Variants in MKLN1 observed in about 807,000 individuals in gnomAD.
The protein encoded by MKLN1 is muskelin 1.
In MKLN1, 18 loss-of-function variants were observed where a neutral mutation model predicts 99.0. The ratio of observed to expected loss-of-function variants is 0.18; its 90% CI spans 0.13 to 0.27. The LOEUF is 0.27. MKLN1 is among the 10% of genes least tolerant of loss of function. The pLI is 1.00. For synonymous variants in MKLN1, 288 were observed against 293.2 expected, an observed-to-expected ratio of 0.98 and a Z score of 0.18; for missense variants, 621 against 875.9, an observed-to-expected ratio of 0.71 and a Z score of 3.67.
intron 1 of MKLN1, among the ~76,000 whole-genome samples, chr7:131,114,053 A>G (rs969824788): frequency 4.6e-5 from 7 of 151,528 alleles, no homozygotes; most frequent in Non-Finnish European, 1.0e-4. Flanking sequence ...ACATTATAAG[A>G]AAGAAATAAT....
chr7:131,235,179 T>A (rs868698606), intron 3 of MKLN1, among the ~76,000 whole-genome samples: 1 of 152,090 alleles, frequency 6.6e-6, no homozygotes, highest in Non-Finnish European at 1.5e-5. Context: ...TCATTCTCTC[T>A]CTTTCACTCT....
chr7:131,220,903 T>A (rs76399680), intron 3 of MKLN1, among the ~76,000 whole-genome samples: 1 of 152,212 alleles, frequency 6.6e-6, no homozygotes, highest in African/African-American at 2.4e-5. Flanking sequence ...AATGATATTA[T>A]ATAACATATT....
intron 3 of MKLN1, among the ~76,000 whole-genome samples, chr7:131,250,034 C>G (rs956668126): frequency 5.3e-5 from 8 of 152,116 alleles, no homozygotes; most frequent in African/African-American, 1.9e-4. Context: ...GTACGAGGAC[C>G]ACTTTGTAGA....
At chr7:131,180,702 A>G (rs1402330630) in intron 2 of MKLN1, among the ~76,000 whole-genome samples, 1 of 151,140 alleles carries the variant, frequency 6.6e-6, no homozygotes. Flanking sequence ...TGGTCTCAAA[A>G]AAAAAAAAAA....
In MKLN1 at chr7:131,172,073, G is replaced by A. The variant is rs376511039; in HGVS notation, c.-297+29132G>A. 9.9e-5 allele frequency among the ~76,000 whole-genome samples: 15 copies of A among 152,238 alleles called. No individual in the cohort carries two copies. The East Asian group carries it at 1.7e-3, about 18-fold the overall frequency. On this transcript the variant is annotated intron_variant, in intron 2 of 7. Coordinates refer to the MKLN1 transcript ENST00000416992. Reference sequence around the variant, plus strand: ...TCCACCAAAGCAATGAAGAGCCTTCGAAGAGTTGATCTGGAGTCCATTAAT... The same window carrying A: ...TCCACCAAAGCAATGAAGAGCCTTCAAAGAGTTGATCTGGAGTCCATTAAT...
chr7:131,275,567 A>ATATATTTTTT (rs1336398554), intron 3 of MKLN1, among the ~76,000 whole-genome samples: 1 of 5,616 alleles, frequency 1.8e-4, no homozygotes, highest in African/African-American at 4.0e-4. Flanking sequence ...ATATATATAT[A>ATATATTTTTT]TTTTTTTTTT....
intron 2 of MKLN1, among the ~76,000 whole-genome samples, chr7:131,144,518 A>G (rs1440264358): frequency 2.0e-5 from 3 of 151,718 alleles, no homozygotes; most frequent in African/African-American, 7.3e-5. Context: ...TAATTTTTAT[A>G]CTTTTAAAAA....
chr7:131,363,797 T>TG (rs1301534569), intron 1 of MKLN1, among the ~76,000 whole-genome samples: 1 of 151,892 alleles, frequency 6.6e-6, no homozygotes, highest in Non-Finnish European at 1.5e-5. Context: ...ACCACCCCGT[T>TG]TATTTCTTTT....
chr7:131,184,002 C>T (rs1021764045), intron 2 of MKLN1, among the ~76,000 whole-genome samples: 12 of 151,232 alleles, frequency 7.9e-5, no homozygotes, highest in East Asian at 1.9e-4. Flanking sequence ...AGTTTGCAAA[C>T]GGAGTAAAGA....
chr7:131,264,366 A>G (rs1330349030), intron 3 of MKLN1, among the ~76,000 whole-genome samples: 2 of 152,190 alleles, frequency 1.3e-5, no homozygotes, highest in African/African-American at 4.8e-5. Flanking sequence ...TGTTTCTTGA[A>G]TATCATTTAA....
chr7:131,127,141 G>A (rs948328121), intron 1 of MKLN1, among the ~76,000 whole-genome samples: 1 of 147,744 alleles, frequency 6.8e-6, no homozygotes, highest in African/African-American at 2.5e-5. Flanking sequence ...CTCTAACCTG[G>A]GTGACAAGAG....
intron 3 of MKLN1, chr7:131,310,091 C>T (rs1156875321): frequency 6.6e-6 from 1 of 152,176 alleles, no homozygotes; most frequent in Non-Finnish European, 1.5e-5. Context: ...TTTACATTAA[C>T]ATAACATAAG....
chr7:131,153,654 GT>G lies in MKLN1; in HGVS notation c.-297+10721del, dbSNP rs1326196270. 4.9e-3 allele frequency among the ~76,000 whole-genome samples: 308 copies of G among 62,478 alleles called. 5 individuals carry two copies. The highest frequency in any genetic ancestry group is 0.011 in the African/African-American group (286 of 25,986). The allele number at this position is 62,478 out of a possible 152,430, so 41.0% of individuals were successfully genotyped here. The stretch of plus-strand genomic sequence containing the variant: ...CTGTGTAGCTACAAAATGAAAGTAG[GT>G]TTTTTTTGGTTTTTTTTTTTTTTTT... On this transcript the variant is annotated intron_variant, in intron 2 of 7. Transcript: ENST00000416992.
chr7:131,397,434 C>A, intron 5 of MKLN1, 58 bp downstream of exon 5: 2 of 832,962 alleles, frequency 2.4e-6, no homozygotes, highest in Admixed American at 2.5e-5. Context: ...ATATGTCAAT[C>A]TCTTATCTTC....
chr7:131,263,800 C>T (rs564048278), intron 3 of MKLN1, among the ~76,000 whole-genome samples: 1 of 152,070 alleles, frequency 6.6e-6, no homozygotes, highest in South Asian at 2.1e-4. Context: ...AAACTCCTGA[C>T]CTCACGTGAT....
intron 17 of MKLN1, among the ~76,000 whole-genome samples, chr7:131,484,062 G>A (rs1052667316): frequency 2.0e-5 from 3 of 151,972 alleles, no homozygotes; most frequent in Admixed American, 6.6e-5. Flanking sequence ...TTAAGTTAAT[G>A]ATGTGGCTTG....
At chr7:131,479,356 C>T (rs889623410) in intron 17 of MKLN1, among the ~76,000 whole-genome samples, 1 of 151,940 alleles carries the variant, frequency 6.6e-6, no homozygotes, top group South Asian at 2.1e-4. Flanking sequence ...AGTAAGACCT[C>T]GTCTCTACAA....
At chr7:131,419,133 A>G (rs1795114315) in intron 8 of MKLN1, among the ~76,000 whole-genome samples, 1 of 151,548 alleles carries the variant, frequency 6.6e-6, no homozygotes, top group African/African-American at 2.4e-5. Flanking sequence ...AAGCTTCATG[A>G]ATAGATTTTA....
chr7:131,490,603 G>A lies in MKLN1; in HGVS notation c.*2875G>A, dbSNP rs1341136936. 6.6e-6 allele frequency: 1 copy of A among 152,444 alleles called. No homozygotes were observed. The highest frequency in any genetic ancestry group is 1.9e-4 in the East Asian group (1 of 5,192). 9.4% of individuals were successfully genotyped at this position (152,444 alleles called of 1,614,324 possible). The stretch of plus-strand genomic sequence containing the variant: ...ACAGACAGTATTAACTCTTATCAAG[G>A]CCATCTTTTAGACCTGATTTTCATT... On this transcript the variant is annotated 3_prime_UTR_variant, in exon 18 of 18. Coordinates refer to ENST00000352689, the MANE Select transcript of MKLN1 (RefSeq NM_013255.5).
Sources: gnomAD v4.1 joint callset for allele counts (sites outside exome capture counted in the v4.1 genomes callset) on GRCh38, gnomAD v4.1.1 for gene constraint, MANE v1.5 for transcripts, NCBI Gene and HGNC (gene_info 2026-07-23, HGNC 2026-07-21) for gene names.